The following NDC1 variants were observed in gnomAD, a reference collection of about 807,000 sequenced individuals.
NDC1 encodes the protein nucleoporin NDC1.
NDC1 carries 24 observed loss-of-function variants against 89.8 expected under a neutral mutation model. That is an observed-to-expected ratio of 0.27 (90% confidence interval 0.19 to 0.38). The LOEUF (loss-of-function observed/expected upper bound fraction) is 0.38. Among genes scored for constraint, NDC1 ranks in the 10% least tolerant of loss-of-function variants. NDC1 has a pLI of 1.00. For synonymous variants in NDC1, 296 were observed against 284.8 expected (o/e 1.04, Z -0.39); for missense variants, 728 against 797.6 (o/e 0.91, Z 1.05).
intron 2 of NDC1, among the ~76,000 whole-genome samples, chr1:53,833,144 ACTTTCTTTCTTTCTTTTCTCTGT>A: frequency 6.6e-6 from 1 of 152,160 alleles, no homozygotes; most frequent in Non-Finnish European, 1.5e-5. Context: ...ACATGGCAAA[ACTTTCTTTCTTTCTTTTCTCTGT>A]CTTTCTTTCT....
At chr1:53,805,442 G>C (rs1648068651) in intron 9 of NDC1, among the ~76,000 whole-genome samples, 1 of 152,184 alleles carries the variant, frequency 6.6e-6, no homozygotes, top group Non-Finnish European at 1.5e-5. Flanking sequence ...CTGGGCTCAA[G>C]TGATCCTCTC....
At chr1:53,783,578 T>C (rs1248703009) in intron 16 of NDC1, among the ~76,000 whole-genome samples, 3 of 152,236 alleles carry the variant, frequency 2.0e-5, no homozygotes, top group East Asian at 1.9e-4. Flanking sequence ...TGACTTAAAT[T>C]TGTCACCCAA....
chr1:53,784,530 C>T (rs961578493), intron 16 of NDC1, among the ~76,000 whole-genome samples: 2 of 152,140 alleles, frequency 1.3e-5, no homozygotes, highest in Non-Finnish European at 2.9e-5. Context: ...CAGTGGCTCA[C>T]GCCTATAATC....
chr1:53,797,613 C>A (rs1647763351), intron 11 of NDC1, among the ~76,000 whole-genome samples: 1 of 151,890 alleles, frequency 6.6e-6, no homozygotes, highest in African/African-American at 2.4e-5. Context: ...CAGTTTTTTC[C>A]TTTCCTTTTC....
chr1:53,818,077 T>C (rs891502215), intron 6 of NDC1, among the ~76,000 whole-genome samples: 8 of 152,210 alleles, frequency 5.3e-5, no homozygotes, highest in Admixed American at 5.2e-4. Context: ...TGATGCACAG[T>C]ATTTTTTCTT....
At chr1:53,797,201 C>T in intron 11 of NDC1, 57 bp from the exon 12 acceptor site, 1 of 1,563,062 alleles carries the variant, frequency 6.4e-7, no homozygotes, top group South Asian at 1.2e-5. Context: ...AGGCTAGCAG[C>T]AACGCTTTCA....
At chr1:53,831,598 A>C (rs1649069524) in intron 3 of NDC1, among the ~76,000 whole-genome samples, 1 of 151,962 alleles carries the variant, frequency 6.6e-6, no homozygotes, top group South Asian at 2.1e-4. Context: ...ACTTGAACCC[A>C]GGAGGCAGAG....
At chr1:53,826,467 C>G (rs1648867950) in intron 4 of NDC1, among the ~76,000 whole-genome samples, 1 of 152,162 alleles carries the variant, frequency 6.6e-6, no homozygotes, top group South Asian at 2.1e-4. Flanking sequence ...AAGACTGCAG[C>G]TCCCAGGTGG....
intron 14 of NDC1, among the ~76,000 whole-genome samples, chr1:53,793,019 T>C (rs1297443069): frequency 6.6e-6 from 1 of 152,208 alleles, no homozygotes; most frequent in Non-Finnish European, 1.5e-5. Flanking sequence ...GAGAGGCAAC[T>C]AGAGAGTCAA....
rs1466612256 is a variant in NDC1, at chr1:53,765,573, A to G, written c.*2397T>C. The G allele has an allele frequency of 6.6e-6, 1 of 152,212 alleles. No individual in the cohort carries two copies. Among genetic ancestry groups the G allele is most frequent in the Non-Finnish European group, 1.5e-5 (1 of 68,042 alleles). The allele number at this position is 152,212 out of a possible 1,614,324, so 9.4% of individuals were successfully genotyped here. ...CTATCATGAATATTTACAGGATGAC[A>G]CACCAAACAATTACCAAGGAACAAA... On this transcript the variant is annotated 3_prime_UTR_variant, in exon 18 of 18. Transcript: ENST00000371429.
At chr1:53,809,001 A>G (rs1453124239) in intron 7 of NDC1, among the ~76,000 whole-genome samples, 3 of 152,252 alleles carry the variant, frequency 2.0e-5, no homozygotes, top group Admixed American at 6.5e-5. Flanking sequence ...GCAAATACAG[A>G]TTAAACCTTT....
At chr1:53,821,160 G>A (rs944351849) in intron 5 of NDC1, among the ~76,000 whole-genome samples, 1 of 152,112 alleles carries the variant, frequency 6.6e-6, no homozygotes, top group Non-Finnish European at 1.5e-5. Flanking sequence ...CAGGCCAGGT[G>A]CAGTGGCTCA....
Position 53,772,416 on chromosome 1 carries a change from G to T in NDC1, c.1874C>A (p.Thr625Asn), listed in dbSNP as rs1380450785. 1 of 1,613,762 alleles carries T rather than the reference G, an allele frequency of 6.2e-7. No homozygotes were observed. Among genetic ancestry groups the T allele is most frequent in the African/African-American group, 1.3e-5 (1 of 74,912 alleles). Residue 625 changes from threonine to asparagine, a missense_variant, in exon 17 of 18, where the codon ACT becomes AAT. Physicochemically the swap from Thr to Asn is moderately conservative, Grantham distance 65. Coordinates refer to ENST00000371429, the MANE Select transcript of NDC1 (RefSeq NM_018087.5). ...PPRISGSLVD[T>N]SYKTLRFAFR... is the part of the protein sequence containing the mutation. Reference sequence around the variant, plus strand: ...TGCAAATCTTAATGTTTTATATGAAGTGTCCACAAGGCTTCCTGAAATCCG... The same window carrying T: ...TGCAAATCTTAATGTTTTATATGAATTGTCCACAAGGCTTCCTGAAATCCG...
intron 4 of NDC1, 94 bp downstream of exon 4, chr1:53,827,881 AAAAGCACCTTTTGCAGAAGTCTGG>A: frequency 1.4e-6 from 1 of 731,068 alleles, no homozygotes; most frequent in Non-Finnish European, 2.0e-6. Context: ...GATATATGCA[AAAAGCACCTTTTGCAGAAGTCTGG>A]AAAGCAAAGA....
chr1:53,785,740 T>C (rs1299454600), intron 16 of NDC1, among the ~76,000 whole-genome samples: 4 of 151,976 alleles, frequency 2.6e-5, no homozygotes, highest in South Asian at 2.1e-4. Context: ...ACCTCGCTAA[T>C]TTTTTAAAAC....
intron 16 of NDC1, among the ~76,000 whole-genome samples, chr1:53,782,391 T>C (rs908754096): frequency 1.3e-5 from 2 of 152,162 alleles, no homozygotes; most frequent in African/African-American, 4.8e-5. Context: ...AACTGCCACA[T>C]GGGTGCAGCT....
chr1:53,806,022 C>T (rs531563361), intron 9 of NDC1, among the ~76,000 whole-genome samples: 3 of 151,972 alleles, frequency 2.0e-5, no homozygotes, highest in Non-Finnish European at 2.9e-5. Context: ...TGCAGTGAGC[C>T]GAGATCGCGC....
In NDC1 at chr1:53,809,700, T is replaced by A; in HGVS notation, c.750A>T (p.Ile250=). 1 of 1,607,820 alleles carries A rather than the reference T, an allele frequency of 6.2e-7. No homozygotes were observed. The highest frequency in any genetic ancestry group is 1.7e-4 in the Middle Eastern group (1 of 6,044). The change falls in exon 7 of 18, where the codon ATA becomes ATT. Residue 250 remains isoleucine, a synonymous_variant. Transcript: ENST00000371429. ...ACTTTTTAGGTATCACTTACTCATC[T>A]ATGTGAAGGTTCATAGCAGTGCTAA... ...AWISTAMNLH[I]DEQVHRPLDT...
chr1:53,809,578 T>G (rs959909155), intron 7 of NDC1, 117 bp downstream of exon 7: 1 of 712,224 alleles, frequency 1.4e-6, no homozygotes, highest in African/African-American at 1.8e-5. Flanking sequence ...TATTCAAAAA[T>G]GAATACAATT....
Sources: gnomAD v4.1 joint callset for allele counts (sites outside exome capture counted in the v4.1 genomes callset) on GRCh38, gnomAD v4.1.1 for gene constraint, MANE v1.5 for transcripts, NCBI Gene and HGNC (gene_info 2026-07-23, HGNC 2026-07-21) for gene names.